Variants in WWOX observed in about 807,000 individuals in gnomAD.
WWOX encodes the protein WW domain containing oxidoreductase.
Under a neutral mutation model 46.2 loss-of-function variants are expected in WWOX, and 69 were observed. The ratio of observed to expected loss-of-function variants is 1.49; its 90% CI spans 1.23 to 1.82. WWOX has a LOEUF of 1.82. WWOX is among the 40% of genes most tolerant of loss of function. The probability of loss-of-function intolerance (pLI) is 0.00; values close to 1 mark genes in which losing one functional copy is unlikely to be tolerated. For missense variants in WWOX, 919 were observed against 542.6 expected, an observed-to-expected ratio of 1.69 and a Z score of -6.89; for synonymous variants, 359 against 202.6, an observed-to-expected ratio of 1.77 and a Z score of -6.56.
At chr16:78,845,071 A>G (rs1162152842) in intron 8 of WWOX, among the ~76,000 whole-genome samples, 2 of 152,090 alleles carry the variant, frequency 1.3e-5, no homozygotes, top group African/African-American at 4.8e-5. Flanking sequence ...CTTCATTCCA[A>G]AGGGTCGTTG....
intron 8 of WWOX, among the ~76,000 whole-genome samples, chr16:78,434,085 G>T (rs1244597819): frequency 6.6e-6 from 1 of 152,152 alleles, no homozygotes; most frequent in Non-Finnish European, 1.5e-5. Context: ...CACCGCGCCC[G>T]GCCTGGGGAT....
chr16:78,100,239 T>G lies in WWOX; in HGVS notation c.107+354T>G, dbSNP rs1013103444. The stretch of plus-strand genomic sequence containing the variant: ...TCCTGCAGGCTCTGGGTTGCAGGGA[T>G]AGGAGTTTTGTTGTGTTTTGTTTTG... On this transcript the variant is annotated intron_variant, in intron 1 of 8. Coordinates refer to ENST00000566780, the MANE Select transcript of WWOX (RefSeq NM_016373.4). 11 of 1,130,222 alleles carry G rather than the reference T, an allele frequency of 9.7e-6. No individual in the cohort carries two copies. In the East Asian group the frequency reaches 3.6e-4, roughly 37 times the overall value. 70.0% of individuals were successfully genotyped at this position (1,130,222 alleles called of 1,614,324 possible). A position where few individuals can be genotyped will look rare whatever the true frequency, so the allele number is the denominator to read the frequency against.
intron 8 of WWOX, among the ~76,000 whole-genome samples, chr16:78,492,259 G>T (rs1426220944): frequency 6.6e-6 from 1 of 152,218 alleles, no homozygotes; most frequent in African/African-American, 2.4e-5. Context: ...GGTTGGACGA[G>T]ACACTCATTC....
chr16:78,817,574 A>G (rs2051369143), intron 8 of WWOX, among the ~76,000 whole-genome samples: 1 of 152,320 alleles, frequency 6.6e-6, no homozygotes, highest in South Asian at 2.1e-4. Flanking sequence ...CAAGTTGGCT[A>G]CAAAACCTCT....
intron 6 of WWOX, among the ~76,000 whole-genome samples, chr16:78,415,407 C>T (rs2082776140): frequency 6.6e-6 from 1 of 152,090 alleles, no homozygotes; most frequent in Admixed American, 6.6e-5. Flanking sequence ...TCAGCAAGGT[C>T]TTTATGACCT....
chr16:78,200,975 T>G (rs1373975427), intron 5 of WWOX, among the ~76,000 whole-genome samples: 1 of 152,230 alleles, frequency 6.6e-6, no homozygotes, highest in Non-Finnish European at 1.5e-5. Flanking sequence ...CTTCTGCCTT[T>G]TAAATAGACA....
At chr16:79,199,417 C>A (rs13332476) in intron 8 of WWOX, among the ~76,000 whole-genome samples, 22 of 152,168 alleles carry the variant, frequency 1.4e-4, no homozygotes, top group Middle Eastern at 3.2e-3. Flanking sequence ...AAGGATCTAT[C>A]ATGCGTAAGG....
chr16:79,068,730 G>T (rs558243904), intron 8 of WWOX, among the ~76,000 whole-genome samples: 1 of 151,578 alleles, frequency 6.6e-6, no homozygotes, highest in South Asian at 2.1e-4. Context: ...AGGATGGCTC[G>T]AGCCCAGGAG....
chr16:78,322,706 G>A (rs78247754), intron 5 of WWOX, among the ~76,000 whole-genome samples: 19,660 of 152,216 alleles, frequency 0.13, 1,584 homozygotes, highest in East Asian at 0.37. Context: ...TGTGGAGCAG[G>A]GGCAGGCAAA....
chr16:78,193,972 G>T (rs929824665), intron 5 of WWOX, among the ~76,000 whole-genome samples: 2 of 151,440 alleles, frequency 1.3e-5, no homozygotes, highest in Non-Finnish European at 2.9e-5. Flanking sequence ...CCGCCTCCCG[G>T]GTTCCTGCCA....
intron 8 of WWOX, among the ~76,000 whole-genome samples, chr16:78,583,352 G>C (rs561558964): frequency 2.6e-5 from 4 of 152,310 alleles, no homozygotes; most frequent in East Asian, 1.9e-4. Context: ...ACAGTACTCA[G>C]ATTTGCTTCA....
chr16:78,162,971 C>T (rs1321923676), intron 4 of WWOX, among the ~76,000 whole-genome samples: 1 of 151,876 alleles, frequency 6.6e-6, no homozygotes, highest in Non-Finnish European at 1.5e-5. Flanking sequence ...TTTATTGTTT[C>T]TAATTCCCTG....
intron 8 of WWOX, among the ~76,000 whole-genome samples, chr16:78,720,257 C>T (rs1428724945): frequency 2.0e-5 from 3 of 151,294 alleles, no homozygotes; most frequent in East Asian, 1.9e-4. Context: ...ATTATGTGCG[C>T]GTGTGTGAAA....
At position 78,486,649 on chromosome 16, in the gene WWOX, A is replaced by G. The variant is rs571783626; in HGVS notation, c.1056+53897A>G. Among the ~76,000 whole-genome samples, 5 of 152,166 alleles carry G rather than the reference A, an allele frequency of 3.3e-5. No individual in the cohort carries two copies. In the East Asian group the frequency reaches 9.7e-4, roughly 29 times the overall value. ...GAGTGTAGTGGTGTGATCTCCGCTC[A>G]CTGCAGCCTCTGCCTCCTGGGTTTA... On this transcript the variant is annotated intron_variant, in intron 8 of 8. Transcript: ENST00000566780.
intron 8 of WWOX, among the ~76,000 whole-genome samples, chr16:78,830,461 G>A (rs919930750): frequency 6.6e-6 from 1 of 151,908 alleles, no homozygotes; most frequent in African/African-American, 2.4e-5. Flanking sequence ...GTACCTATCT[G>A]ACTATTTTCT....
At chr16:78,579,394 A>T (rs544123440) in intron 8 of WWOX, among the ~76,000 whole-genome samples, 1 of 152,264 alleles carries the variant, frequency 6.6e-6, no homozygotes, top group East Asian at 1.9e-4. Context: ...TTGAAGGGTA[A>T]ACTGAGTTCA....
At position 79,211,977 on chromosome 16, in the gene WWOX, G is replaced by A. The variant is rs1374094415; in HGVS notation, c.*181G>A. ...CAATGGGAAGCAGGGAATTCCTGGG[G>A]TAAAGTATCACTTTTCTGGGGCTGG... is the stretch of plus-strand genomic sequence containing the variant. On this transcript the variant is annotated 3_prime_UTR_variant, in exon 9 of 9. Transcript: ENST00000566780. 13 of 1,513,496 alleles carry A rather than the reference G, an allele frequency of 8.6e-6. No homozygotes were observed. The highest frequency in any genetic ancestry group is 1.1e-5 in the Non-Finnish European group (12 of 1,140,504). 93.8% of individuals were successfully genotyped at this position (1,513,496 alleles called of 1,614,324 possible). A position where few individuals can be genotyped will look rare whatever the true frequency, so the allele number is the denominator to read the frequency against.
intron 8 of WWOX, among the ~76,000 whole-genome samples, chr16:78,900,906 C>G (rs975059422): frequency 3.3e-5 from 5 of 150,722 alleles, no homozygotes; most frequent in African/African-American, 1.2e-4. Context: ...AATACAGATT[C>G]ATCCCATATT....
chr16:78,688,191 G>A (rs571673651), intron 8 of WWOX, among the ~76,000 whole-genome samples: 10 of 151,918 alleles, frequency 6.6e-5, no homozygotes, highest in African/African-American at 2.4e-4. Flanking sequence ...TTATTGTGTA[G>A]ATAAAAGTGA....
Sources: gnomAD v4.1 joint callset for allele counts (sites outside exome capture counted in the v4.1 genomes callset) on GRCh38, gnomAD v4.1.1 for gene constraint, MANE v1.5 for transcripts, NCBI Gene and HGNC (gene_info 2026-07-23, HGNC 2026-07-21) for gene names.